The following SLC25A21 variants were observed in gnomAD, a reference collection of about 807,000 sequenced individuals.
SLC25A21 encodes mitochondrial 2-oxodicarboxylate carrier.
In SLC25A21, 47 loss-of-function variants were observed where a neutral mutation model predicts 43.8. The ratio of observed to expected loss-of-function variants is 1.07; its 90% confidence interval spans 0.85 to 1.37. The LOEUF is 1.37. Among genes scored for constraint, SLC25A21 ranks in the 40% most tolerant of loss-of-function variants. The pLI is 0.00. For synonymous variants in SLC25A21, 131 were observed against 121.3 expected, an observed-to-expected ratio of 1.08 and a Z score of -0.52; for missense variants, 352 against 350.2, an observed-to-expected ratio of 1.00 and a Z score of -0.04.
intron 1 of SLC25A21, among the ~76,000 whole-genome samples, chr14:36,927,650 G>A (rs1229640514): frequency 1.3e-5 from 2 of 152,104 alleles, no homozygotes; most frequent in African/African-American, 4.8e-5. Flanking sequence ...CAGGAAGTAG[G>A]CAACTCTACT....
At chr14:36,886,917 T>C (rs1436007607) in intron 1 of SLC25A21, among the ~76,000 whole-genome samples, 1 of 152,164 alleles carries the variant, frequency 6.6e-6, no homozygotes, top group African/African-American at 2.4e-5. Context: ...TTCAGATGTG[T>C]TGGTCTTTTA....
In SLC25A21 at chr14:36,727,165, CAGG is replaced by C. The variant is rs141550595; in HGVS notation, c.331-1491_331-1489del. Among the ~76,000 whole-genome samples the C allele has an allele frequency of 3.3e-5, 5 of 152,256 alleles. No homozygotes were observed. In the East Asian group the frequency reaches 9.7e-4, roughly 29 times the overall value. ...AGAGAAGCCCTGGAGAGGCATCGGT[CAGG>C]AGAAGGGGCAACTTTTCATTATTTA... On this transcript the variant is annotated intron_variant, in intron 5 of 9. Transcript: ENST00000331299.
intron 3 of SLC25A21, among the ~76,000 whole-genome samples, chr14:36,776,605 C>A (rs1886845035): frequency 6.6e-6 from 1 of 152,010 alleles, no homozygotes; most frequent in Admixed American, 6.6e-5. Context: ...ATTGATGCCT[C>A]CCCAACTGTA....
chr14:37,140,033 C>T (rs1963545359), intron 1 of SLC25A21, among the ~76,000 whole-genome samples: 1 of 152,124 alleles, frequency 6.6e-6, no homozygotes, highest in African/African-American at 2.4e-5. Flanking sequence ...ACCATAGCTT[C>T]CCCTAATGCT....
intron 3 of SLC25A21, among the ~76,000 whole-genome samples, chr14:36,789,474 T>C (rs983727950): frequency 6.6e-6 from 1 of 151,846 alleles, no homozygotes; most frequent in Admixed American, 6.6e-5. Flanking sequence ...CATTTCGTTA[T>C]CACCTTTCTC....
intron 9 of SLC25A21, among the ~76,000 whole-genome samples, chr14:36,681,107 C>T (rs1201830057): frequency 1.3e-5 from 2 of 151,742 alleles, no homozygotes; most frequent in Admixed American, 6.6e-5. Context: ...TTTTTCAGTC[C>T]GTAATTAGCA....
intron 4 of SLC25A21, 43 bp from the exon 5 acceptor site, chr14:36,729,609 T>A (rs774775437): frequency 1.3e-6 from 2 of 1,525,188 alleles, no homozygotes; most frequent in Non-Finnish European, 1.8e-6. Flanking sequence ...ACAATTTTCC[T>A]GCAACAAACT....
chr14:36,983,207 G>A (rs1483827150), intron 1 of SLC25A21, among the ~76,000 whole-genome samples: 3 of 152,150 alleles, frequency 2.0e-5, no homozygotes, highest in Non-Finnish European at 4.4e-5. Context: ...CTTACGAAGT[G>A]CATTTTCAAT....
intron 1 of SLC25A21, among the ~76,000 whole-genome samples, chr14:37,166,226 C>T (rs192991727): frequency 3.3e-5 from 5 of 152,238 alleles, no homozygotes; most frequent in Admixed American, 1.3e-4. Flanking sequence ...CATGTAGAGG[C>T]CCTGAATGGA....
chr14:37,056,277 T>A (rs1017429959), intron 1 of SLC25A21, among the ~76,000 whole-genome samples: 1 of 151,942 alleles, frequency 6.6e-6, no homozygotes, highest in African/African-American at 2.4e-5. Context: ...GATCATAAGG[T>A]CAGGAGATCA....
intron 1 of SLC25A21, among the ~76,000 whole-genome samples, chr14:37,075,445 A>C (rs1451805751): frequency 1.3e-5 from 2 of 152,170 alleles, no homozygotes; most frequent in East Asian, 3.9e-4. Flanking sequence ...AAAGGTCACA[A>C]TTGTATTGGT....
chr14:37,100,566 C>T (rs1174227985), intron 1 of SLC25A21, among the ~76,000 whole-genome samples: 1 of 152,192 alleles, frequency 6.6e-6, no homozygotes, highest in African/African-American at 2.4e-5. Context: ...TTCATTGGTT[C>T]ATTCAAATTA....
intron 2 of SLC25A21, among the ~76,000 whole-genome samples, chr14:36,873,554 C>A (rs1172906607): frequency 2.6e-5 from 4 of 152,144 alleles, no homozygotes; most frequent in African/African-American, 9.7e-5. Context: ...CCTCTGCCTC[C>A]CAAAGTGCTA....
At chr14:36,837,120 GT>G (rs1486280243) in intron 2 of SLC25A21, among the ~76,000 whole-genome samples, 4 of 152,112 alleles carry the variant, frequency 2.6e-5, no homozygotes, top group South Asian at 4.2e-4. Flanking sequence ...TGATGGGAAG[GT>G]GTGTGGCTGG....
intron 3 of SLC25A21, among the ~76,000 whole-genome samples, chr14:36,741,174 G>A (rs749698605): frequency 4.6e-5 from 7 of 152,084 alleles, no homozygotes; most frequent in Non-Finnish European, 8.8e-5. Flanking sequence ...TAGAAAATAT[G>A]TGTTTGGGAA....
At chr14:37,160,991 A>AG (rs1188737873) in intron 1 of SLC25A21, among the ~76,000 whole-genome samples, 3 of 32,580 alleles carry the variant, frequency 9.2e-5, no homozygotes, top group Non-Finnish European at 1.7e-4. Context: ...GGTGGGGAAA[A>AG]GGGGGGGCAG....
chr14:37,005,317 C>A (rs1960577696), intron 1 of SLC25A21, among the ~76,000 whole-genome samples: 1 of 152,018 alleles, frequency 6.6e-6, no homozygotes, highest in South Asian at 2.1e-4. Context: ...GAAGCTCAGG[C>A]AGCTCTTCAA....
intron 4 of SLC25A21, among the ~76,000 whole-genome samples, chr14:36,731,343 T>C (rs796144716): frequency 6.6e-6 from 1 of 152,316 alleles, no homozygotes; most frequent in African/African-American, 2.4e-5. Flanking sequence ...CATTTTGAAA[T>C]GAGCAGTCCT....
intron 2 of SLC25A21, among the ~76,000 whole-genome samples, chr14:36,823,892 A>G (rs1367837380): frequency 6.6e-6 from 1 of 152,198 alleles, no homozygotes; most frequent in Non-Finnish European, 1.5e-5. Flanking sequence ...GTTGAACATT[A>G]GCTCATTGTT....
Sources: allele counts gnomAD v4.1 joint callset (sites outside exome capture counted in the v4.1 genomes callset), GRCh38; gene constraint gnomAD v4.1.1; transcripts MANE v1.5; gene names NCBI Gene and HGNC (gene_info 2026-07-23, HGNC 2026-07-21).